Variants in NAV3 observed in about 807,000 individuals in gnomAD.
NAV3 encodes neuron navigator 3, also known as pore membrane and/or filament interacting like protein 1.
Under a neutral mutation model 244.7 loss-of-function variants are expected in NAV3, and 87 were observed. The ratio of observed to expected loss-of-function variants is 0.36; its 90% CI spans 0.30 to 0.42. The LOEUF is 0.42. NAV3 is among the 20% of genes least tolerant of loss of function. NAV3 has a pLI of 1.00. For synonymous variants in NAV3, 1,126 were observed against 1,042.2 expected (o/e 1.08, Z -1.55); for missense variants, 2,663 against 2,893.3 (o/e 0.92, Z 1.83).
At chr12:78,007,493 T>C (rs778018734) in intron 8 of NAV3, 48 bp downstream of exon 8, 1 of 1,553,300 alleles carries the variant, frequency 6.4e-7, no homozygotes, top group Non-Finnish European at 8.7e-7. Context: ...TTTACAGGCC[T>C]ACATACTCAG....
chr12:77,859,297 T>C lies in NAV3; in HGVS notation c.243+27593T>C, dbSNP rs562976975. On this transcript the variant is annotated intron_variant, in intron 1 of 39. Transcript: ENST00000397909. ...TTAATTCCTAAGTTGCCACCTTAGA[T>C]ACTATATTGTAAGGCCCTGGAAACT... 4.6e-5 allele frequency among the ~76,000 whole-genome samples: 7 copies of C among 152,218 alleles called. No homozygotes were observed. The East Asian group carries it at 1.2e-3, about 25-fold the overall frequency.
intron 1 of NAV3, among the ~76,000 whole-genome samples, chr12:77,900,162 C>T (rs1314548834): frequency 6.6e-6 from 1 of 151,548 alleles, no homozygotes; most frequent in Non-Finnish European, 1.5e-5. Context: ...CTGCAACCTC[C>T]GCCTTCTGGG....
chr12:78,123,966 A>G (rs1955795371), intron 16 of NAV3, among the ~76,000 whole-genome samples: 1 of 152,214 alleles, frequency 6.6e-6, no homozygotes, highest in Non-Finnish European at 1.5e-5. Context: ...AAAATAGATA[A>G]ACAACCTATA....
rs184391017 is a variant in NAV3, at chr12:78,188,396, T to A, written c.5886+53T>A. On this transcript the variant is annotated intron_variant, in intron 32 of 39. Transcript: ENST00000397909. The stretch of plus-strand genomic sequence containing the variant: ...ACTTTTCAAATATGTTTCTCTTTAA[T>A]TGTTTTCCATAACTTCAATAGCAGA... 1,627 of 1,449,084 alleles carry A rather than the reference T, an allele frequency of 1.1e-3. 3 individuals are homozygous for A. Among genetic ancestry groups the A allele is most frequent in the Non-Finnish European group, 1.4e-3 (1,510 of 1,045,764 alleles). 89.8% of individuals were successfully genotyped at this position (1,449,084 alleles called of 1,614,324 possible).
intron 2 of NAV3, among the ~76,000 whole-genome samples, chr12:77,635,287 T>C (rs1370370896): frequency 6.6e-6 from 1 of 151,974 alleles, no homozygotes; most frequent in Non-Finnish European, 1.5e-5. Flanking sequence ...CTCATACTCC[T>C]GTGCTCAAGC....
intron 9 of NAV3, among the ~76,000 whole-genome samples, chr12:78,043,924 C>T (rs774254461): frequency 1.3e-5 from 2 of 152,144 alleles, no homozygotes; most frequent in African/African-American, 2.4e-5. Context: ...TGCAGAATTT[C>T]CTTAGTTTAA....
chr12:78,205,069 C>T lies in NAV3; in HGVS notation c.6969C>T (p.Ser2323=). The part of the protein sequence containing the change: ...QLRPEDVGYE[S]CTSTKEATTS... ...GACCAGAAGATGTTGGGTATGAAAG[C>T]TGCACATCCACTAAGGAAGCCACAA... Residue 2323 remains serine, a synonymous_variant, in exon 39 of 40, where the codon AGC becomes AGT. Coordinates refer to ENST00000397909, the MANE Select transcript of NAV3 (RefSeq NM_001024383.2). 6.2e-7 allele frequency: 1 copy of T among 1,613,494 alleles called. No individual in the cohort carries two copies. The highest frequency in any genetic ancestry group is 8.5e-7 in the Non-Finnish European group (1 of 1,179,752).
intron 1 of NAV3, among the ~76,000 whole-genome samples, chr12:77,837,826 CAATT>C (rs147065144): frequency 6.6e-6 from 1 of 152,286 alleles, no homozygotes; most frequent in East Asian, 1.9e-4. Flanking sequence ...CAGGAGAAGA[CAATT>C]AAGTTGACAC....
At chr12:77,905,698 A>G (rs1013292254) in intron 1 of NAV3, among the ~76,000 whole-genome samples, 1 of 152,140 alleles carries the variant, frequency 6.6e-6, no homozygotes, top group Admixed American at 6.5e-5. Context: ...ACAACCCACA[A>G]TCCAGGAATA....
At chr12:77,984,453 G>T (rs1242188576) in intron 5 of NAV3, among the ~76,000 whole-genome samples, 1 of 151,042 alleles carries the variant, frequency 6.6e-6, no homozygotes, top group Non-Finnish European at 1.5e-5. Flanking sequence ...AATATTTACA[G>T]TGCCTCCAGA....
Position 77,951,827 on chromosome 12 carries a change from C to A in NAV3, c.414+10694C>A, listed in dbSNP as rs149721142. Among the ~76,000 whole-genome samples the A allele has an allele frequency of 2.4e-3, 367 of 152,158 alleles. 2 individuals carry two copies. The highest frequency in any genetic ancestry group is 7.6e-3 in the African/African-American group (317 of 41,522). ...AGCAAACTATCTCAAGGACAAAAAA[C>A]CAAATTCTGCATATTCTCACTCACA... On this transcript the variant is annotated intron_variant, in intron 3 of 39. Transcript: ENST00000397909.
At chr12:78,018,183 A>G (rs1050948652) in intron 8 of NAV3, among the ~76,000 whole-genome samples, 2 of 152,290 alleles carry the variant, frequency 1.3e-5, no homozygotes, top group East Asian at 3.9e-4. Flanking sequence ...GTCTCTTGTG[A>G]CTTAAACTAA....
rs764137894 is a variant in NAV3, at chr12:78,006,448, G to A, written c.910G>A (p.Gly304Ser). 5 of 1,613,928 alleles carry A rather than the reference G, an allele frequency of 3.1e-6. No individual in the cohort carries two copies. In the African/African-American group the frequency reaches 5.3e-5, roughly 17 times the overall value. The change falls in exon 8 of 40, where the codon GGT (glycine) becomes AGT (serine). Residue 304 changes from glycine to serine, a missense_variant. This residue lies in a region of NAV3 where 1,521 missense variants were observed against 1,497.0 expected (regional missense o/e 1.02). Coordinates refer to ENST00000397909, the MANE Select transcript of NAV3 (RefSeq NM_001024383.2). ...DSSKGPQSSS[G>S]VNGNVQPPST... is the part of the protein sequence containing the mutation. ...CTCCAAAGGACCTCAATCGTCTTCAGGTGTAAATGGTAACGTGCAGCCTCC... is the reference window on the plus strand; with the variant it reads ...CTCCAAAGGACCTCAATCGTCTTCAAGTGTAAATGGTAACGTGCAGCCTCC...
At chr12:77,875,975 G>T (rs1017623845) in intron 1 of NAV3, among the ~76,000 whole-genome samples, 1 of 151,824 alleles carries the variant, frequency 6.6e-6, no homozygotes, top group Non-Finnish European at 1.5e-5. Context: ...CTTTTCCAAG[G>T]CATAGGATAG....
chr12:78,174,561 C>T (rs948355490), intron 24 of NAV3, among the ~76,000 whole-genome samples: 4 of 151,858 alleles, frequency 2.6e-5, no homozygotes, highest in African/African-American at 9.7e-5. Flanking sequence ...GCATATCAAG[C>T]ATATTGTAAA....
chr12:77,687,257 G>A (rs1367979495), intron 2 of NAV3, among the ~76,000 whole-genome samples: 1 of 151,952 alleles, frequency 6.6e-6, no homozygotes, highest in Non-Finnish European at 1.5e-5. Flanking sequence ...AAGTAGCCTG[G>A]CACATTTTAT....
At chr12:77,993,955 T>C (rs1223674618) in intron 5 of NAV3, among the ~76,000 whole-genome samples, 2 of 147,490 alleles carry the variant, frequency 1.4e-5, no homozygotes, top group Non-Finnish European at 3.0e-5. Flanking sequence ...GGTCTAACTA[T>C]ATCTTTCAGA....
At chr12:77,876,015 C>T (rs1401646229) in intron 1 of NAV3, among the ~76,000 whole-genome samples, 1 of 151,860 alleles carries the variant, frequency 6.6e-6, no homozygotes, top group African/African-American at 2.4e-5. Flanking sequence ...TGTTATTGTT[C>T]TTATTTCCAT....
At chr12:77,673,561 A>T (rs696471) in intron 2 of NAV3, among the ~76,000 whole-genome samples, 1 of 151,882 alleles carries the variant, frequency 6.6e-6, no homozygotes, top group Admixed American at 6.6e-5. Context: ...AGATGCAATA[A>T]TTTTTTGAAC....
Sources: gnomAD v4.1 joint callset for allele counts (sites outside exome capture counted in the v4.1 genomes callset) on GRCh38, gnomAD v4.1.1 for gene constraint, gnomAD v4.1.1 regional missense constraint, MANE v1.5 for transcripts, NCBI Gene and HGNC (gene_info 2026-07-23, HGNC 2026-07-21) for gene names.